Variants in MLPH observed in about 807,000 individuals in gnomAD.
The protein encoded by MLPH is melanophilin.
MLPH carries 51 observed loss-of-function variants against 72.1 expected under a neutral mutation model. The ratio of observed to expected loss-of-function variants is 0.71; its 90% CI spans 0.56 to 0.89. The LOEUF is 0.89. Ranked by LOEUF, MLPH falls within the 40% of genes least tolerant of loss-of-function variation. The pLI, the probability that MLPH is intolerant of heterozygous loss-of-function variation, is 0.00. For synonymous variants in MLPH, 301 were observed against 310.1 expected (o/e 0.97, Z 0.31); for missense variants, 743 against 759.9 (o/e 0.98, Z 0.26).
At chr2:237,506,617 G>C (rs945831091) in intron 2 of MLPH, among the ~76,000 whole-genome samples, 1 of 152,188 alleles carries the variant, frequency 6.6e-6, no homozygotes, top group Non-Finnish European at 1.5e-5. Context: ...AACAGAACAG[G>C]ACAGGGATTT....
At chr2:237,495,291 C>T (rs961223040) in intron 2 of MLPH, among the ~76,000 whole-genome samples, 2 of 152,236 alleles carry the variant, frequency 1.3e-5, no homozygotes, top group African/African-American at 4.8e-5. Flanking sequence ...AATGTCATTC[C>T]ATCGGCAAAG....
At chr2:237,490,023 C>G (rs1042741707) in intron 1 of MLPH, among the ~76,000 whole-genome samples, 16 of 152,106 alleles carry the variant, frequency 1.1e-4, no homozygotes, top group African/African-American at 3.9e-4. Context: ...AAAATATGAT[C>G]GAATCTGAGC....
chr2:237,491,062 C>A (rs1034203824), intron 1 of MLPH, among the ~76,000 whole-genome samples: 12 of 152,104 alleles, frequency 7.9e-5, no homozygotes, highest in African/African-American at 2.9e-4. Context: ...TGGTATCTGC[C>A]CAGAAAATGT....
Position 237,552,343 on chromosome 2 carries a change from AT to A in MLPH, c.1683del (p.Asp561GlufsTer15). ...CTTCCTGTTTTCCCCAAAGGTAAAG[AT>A]GATGATTCTTTTGATCGGAAATCAG... is the stretch of plus-strand genomic sequence containing the variant. ...FSNSLKSQGK[D>X]DDSFDRKSVY... On this transcript the variant is annotated frameshift_variant, in exon 15 of 16. Coordinates refer to ENST00000264605, the MANE Select transcript of MLPH (RefSeq NM_024101.7). LOFTEE classifies it high-confidence loss of function. 2 of 1,614,048 alleles carry A rather than the reference AT, an allele frequency of 1.2e-6. No homozygotes were observed. The highest frequency in any genetic ancestry group is 2.2e-5 in the South Asian group (2 of 91,074).
chr2:237,501,578 G>A (rs565904385), intron 2 of MLPH, among the ~76,000 whole-genome samples: 17 of 148,362 alleles, frequency 1.1e-4, no homozygotes, highest in Non-Finnish European at 2.4e-4. Flanking sequence ...TGTAATCCCA[G>A]CACTTTGAGA....
chr2:237,541,042 A>G lies in MLPH; in HGVS notation c.1446+85A>G, dbSNP rs2080670597. On this transcript the variant is annotated intron_variant, in intron 11 of 15. Coordinates refer to ENST00000264605, the MANE Select transcript of MLPH (RefSeq NM_024101.7). The surrounding 1 kb of genome is among the most constrained non-coding windows in gnomAD (Gnocchi z 5.1). ...AGGCCTTGAACATCTGCCAGCTCTA[A>G]CATCCGCCAGCTCACACTGAGCCCT... 6.6e-7 allele frequency: 1 copy of G among 1,504,844 alleles called. No individual in the cohort carries two copies. Among genetic ancestry groups the G allele is most frequent in the Non-Finnish European group, 9.0e-7 (1 of 1,107,872 alleles). 93.2% of individuals were successfully genotyped at this position (1,504,844 alleles called of 1,614,324 possible). A position where few individuals can be genotyped will look rare whatever the true frequency, so the allele number is the denominator to read the frequency against.
chr2:237,499,455 G>A (rs1368428918), intron 2 of MLPH, among the ~76,000 whole-genome samples: 1 of 152,118 alleles, frequency 6.6e-6, no homozygotes. Context: ...TTTGGACTAA[G>A]GTAGCAAAAG....
chr2:237,518,240 T>A, intron 4 of MLPH: 1 of 490,718 alleles, frequency 2.0e-6, no homozygotes, highest in South Asian at 1.9e-5. Context: ...GGTGTATGGG[T>A]GGGTGGATGG....
intron 6 of MLPH, among the ~76,000 whole-genome samples, chr2:237,523,178 A>C (rs2080226815): frequency 6.6e-6 from 1 of 152,144 alleles, no homozygotes; most frequent in Non-Finnish European, 1.5e-5. Context: ...GAGAGTCTGG[A>C]TTGTCAGTGT....
intron 4 of MLPH, among the ~76,000 whole-genome samples, chr2:237,515,724 G>T (rs145898792): frequency 1.3e-5 from 2 of 152,178 alleles, no homozygotes; most frequent in African/African-American, 4.8e-5. Context: ...CAGCTCCAAG[G>T]AGGCCACCCA....
chr2:237,488,342 C>T (rs72620830), intron 1 of MLPH, among the ~76,000 whole-genome samples: 35,551 of 151,680 alleles, frequency 0.23, 4,251 homozygotes, highest in South Asian at 0.34. Flanking sequence ...GACATTGACA[C>T]CCCGGGTTCA....
At chr2:237,544,388 C>G (rs1041405705) in intron 12 of MLPH, among the ~76,000 whole-genome samples, 17 of 15,802 alleles carry the variant, frequency 1.1e-3, no homozygotes, top group South Asian at 3.6e-3. Flanking sequence ...TGAGTGGGGG[C>G]ACAGTGGTGA....
chr2:237,517,380 T>A (rs1161997248), intron 4 of MLPH, among the ~76,000 whole-genome samples: 1 of 151,608 alleles, frequency 6.6e-6, no homozygotes, highest in Non-Finnish European at 1.5e-5. Context: ...GGTGGATGGA[T>A]GGGCAGATAA....
chr2:237,513,860 G>T (rs370586269), intron 4 of MLPH, among the ~76,000 whole-genome samples: 3 of 152,158 alleles, frequency 2.0e-5, no homozygotes, highest in Non-Finnish European at 2.9e-5. Context: ...ATAAAACCAG[G>T]TCTGCTCTCT....
chr2:237,546,666 C>G lies in MLPH; in HGVS notation c.1600C>G (p.Pro534Ala). 6.2e-7 allele frequency: 1 copy of G among 1,614,102 alleles called. No homozygotes were observed. The stretch of plus-strand genomic sequence containing the variant: ...GAGACCAGAGGACCCAAATGCAGAC[C>G]CTTCAAGTGAGGCCAAGGTATGTGT... ...GKRPEDPNAD[P>A]SSEAKAMAVP... The change falls in exon 13 of 16, where the codon CCT (proline) becomes GCT (alanine). Residue 534 changes from proline (P) to alanine (A), a missense_variant. Pro to Ala is a conservative substitution (Grantham distance 27). Coordinates refer to ENST00000264605, the MANE Select transcript of MLPH (RefSeq NM_024101.7).
intron 8 of MLPH, 54 bp from the exon 9 acceptor site, chr2:237,534,510 G>A: frequency 6.9e-7 from 1 of 1,456,374 alleles, no homozygotes; most frequent in Non-Finnish European, 9.6e-7. Flanking sequence ...CCAGTGTCTT[G>A]CTGGTTGGAG....
chr2:237,509,221 T>C (rs1229318102), intron 2 of MLPH, among the ~76,000 whole-genome samples: 4 of 152,226 alleles, frequency 2.6e-5, no homozygotes, highest in African/African-American at 9.6e-5. Context: ...TCCTTTCCCC[T>C]AATTTCAGCC....
intron 9 of MLPH, among the ~76,000 whole-genome samples, chr2:237,537,002 G>A (rs1276623600): frequency 3.9e-5 from 6 of 152,182 alleles, no homozygotes; most frequent in African/African-American, 7.2e-5. Context: ...CACTCCCCGC[G>A]AGGGGACACT....
chr2:237,495,395 C>A (rs1280573233), intron 2 of MLPH, among the ~76,000 whole-genome samples: 1 of 152,046 alleles, frequency 6.6e-6, no homozygotes, highest in East Asian at 1.9e-4. Context: ...TTCAGCTGAC[C>A]CCAGCATTTA....
Sources: gnomAD v4.1 joint callset for allele counts (sites outside exome capture counted in the v4.1 genomes callset) on GRCh38, gnomAD v4.1.1 for gene constraint, Gnocchi (gnomAD v3.1) non-coding constraint, MANE v1.5 for transcripts, NCBI Gene and HGNC (gene_info 2026-07-23, HGNC 2026-07-21) for gene names.